Variants in MFSD6 observed in about 807,000 individuals in gnomAD.
The protein encoded by MFSD6 is major facilitator superfamily domain containing 6, also known as major facilitator superfamily domain-containing protein 6.
Under a neutral mutation model 56.3 loss-of-function variants are expected in MFSD6, and 26 were observed. The observed-to-expected ratio is 0.46, with a 90% CI of 0.34 to 0.64. The LOEUF is 0.64. Ranked by LOEUF, MFSD6 falls within the 30% of genes least tolerant of loss-of-function variation. MFSD6 has a pLI of 0.01. For missense variants in MFSD6, 750 were observed against 986.2 expected (o/e 0.76, Z 3.21); for synonymous variants, 331 against 366.9 (o/e 0.90, Z 1.12).
rs371311716 is a variant in MFSD6, at chr2:190,437,095, G to A, written c.1066G>A (p.Asp356Asn). The change falls in exon 3 of 8, where the codon GAT becomes AAT. Residue 356 changes from aspartate to asparagine, a missense_variant. Asp to Asn is a conservative substitution (Grantham distance 23). Transcript: ENST00000392328. This position sits in a 1 kb window ranked among gnomAD's most constrained non-coding sequence, Gnocchi z 5.9. ...CTACACCCACATCGAAGTGCTCATC[G>A]ATGGAAAGGGGTGTAAGCCCCCCGA... ...IDYTHIEVLIDGKGCKPPEYR... is the reference protein window; with the variant it reads ...IDYTHIEVLINGKGCKPPEYR... The A allele has an allele frequency of 1.7e-5, 27 of 1,614,122 alleles. No homozygotes were observed. The highest frequency in any genetic ancestry group is 1.6e-4 in the Middle Eastern group (1 of 6,084).
intron 2 of MFSD6, among the ~76,000 whole-genome samples, chr2:190,429,822 T>C (rs1685905468): frequency 6.6e-6 from 1 of 152,198 alleles, no homozygotes; most frequent in Admixed American, 6.5e-5. Flanking sequence ...CAGATACATA[T>C]ATCTGTGTAT....
chr2:190,414,852 C>T (rs545064460), intron 1 of MFSD6, among the ~76,000 whole-genome samples: 4 of 152,132 alleles, frequency 2.6e-5, no homozygotes, highest in African/African-American at 4.8e-5. Flanking sequence ...TCATTTTTAT[C>T]GAGTCTTTTT....
At chr2:190,411,294 G>T in intron 1 of MFSD6, 1 of 414,574 alleles carries the variant, frequency 2.4e-6, no homozygotes, top group Non-Finnish European at 3.2e-6. Context: ...CGAGTAGCTG[G>T]GATTACAGGC....
intron 4 of MFSD6, among the ~76,000 whole-genome samples, chr2:190,473,922 T>C (rs1000344470): frequency 1.3e-5 from 2 of 152,076 alleles, no homozygotes; most frequent in African/African-American, 4.8e-5. Context: ...CACTCAAAAC[T>C]GCTCAAGTAC....
In MFSD6 at chr2:190,447,099, A is replaced by T. The variant is rs886417279; in HGVS notation, c.1532+9538A>T. Reference sequence around the variant, plus strand: ...GATTCATAGGCTCAGTAAAAAAAAAAACTTGAAAGGATGTCTTGACACACA... The same window carrying T: ...GATTCATAGGCTCAGTAAAAAAAAATACTTGAAAGGATGTCTTGACACACA... On this transcript the variant is annotated intron_variant, in intron 3 of 7. Coordinates refer to ENST00000392328, the MANE Select transcript of MFSD6 (RefSeq NM_017694.4). This position sits in a 1 kb window ranked among gnomAD's most constrained non-coding sequence, Gnocchi z 4.5. Among the ~76,000 whole-genome samples the T allele has an allele frequency of 9.8e-5, 9 of 91,944 alleles. No homozygotes were observed. Among genetic ancestry groups the T allele is most frequent in the African/African-American group, 2.6e-4 (9 of 34,646 alleles). 60.3% of individuals were successfully genotyped at this position (91,944 alleles called of 152,430 possible). A position where few individuals can be genotyped will look rare whatever the true frequency, so the allele number is the denominator to read the frequency against.
Position 190,421,611 on chromosome 2 carries a change from C to A in MFSD6, c.-54+6198C>A, listed in dbSNP as rs186882355. 5.7e-3 allele frequency among the ~76,000 whole-genome samples: 863 copies of A among 152,220 alleles called. 12 individuals are homozygous for A. Among genetic ancestry groups the A allele is most frequent in the African/African-American group, 0.02 (835 of 41,528 alleles). On this transcript the variant is annotated intron_variant, in intron 2 of 7. Transcript: ENST00000392328. ...ACCTATTTATTTATTTGAGACAGTT[C>A]TCACCCTGTCACCCAGGCTGAGTGC... is the stretch of plus-strand genomic sequence containing the variant.
rs779564153 is a variant in MFSD6, at chr2:190,417,998, G to GTGTGTGTGTGTGTGTA, written c.-54+2588_-54+2589insGTGTGTGTGTGTATGT. ...TGTGTGTGTGTGTGTGTGTGTGTGTGTGTATGTGAGAGAGAGAGAGATGTG... is the reference window on the plus strand; with the variant it reads ...TGTGTGTGTGTGTGTGTGTGTGTGTGTGTGTGTGTGTGTGTATGTATGTGAGAGAGAGAGAGATGTG... On this transcript the variant is annotated intron_variant, in intron 2 of 7. Coordinates refer to ENST00000392328, the MANE Select transcript of MFSD6 (RefSeq NM_017694.4). This position sits in a 1 kb window ranked among gnomAD's most constrained non-coding sequence, Gnocchi z 5.7. Among the ~76,000 whole-genome samples the GTGTGTGTGTGTGTGTA allele has an allele frequency of 2.7e-5, 4 of 150,012 alleles. No homozygotes were observed. The highest frequency in any genetic ancestry group is 9.9e-5 in the African/African-American group (4 of 40,586).
intron 4 of MFSD6, among the ~76,000 whole-genome samples, chr2:190,472,746 A>T (rs974852141): frequency 1.1e-4 from 16 of 152,164 alleles, no homozygotes; most frequent in African/African-American, 3.9e-4. Flanking sequence ...AGCCACAAAG[A>T]TACTCCTCGA....
intron 2 of MFSD6, among the ~76,000 whole-genome samples, chr2:190,427,249 T>C (rs1472943077): frequency 6.6e-6 from 1 of 152,224 alleles, no homozygotes; most frequent in Non-Finnish European, 1.5e-5. Context: ...ATGAAAGTCC[T>C]TGCTCCTTTA....
rs896793389 is a variant in MFSD6, at chr2:190,459,585, T to C, written c.1533-10173T>C. 2.8e-4 allele frequency among the ~76,000 whole-genome samples: 43 copies of C among 152,316 alleles called. No homozygotes were observed. Among genetic ancestry groups the C allele is most frequent in the Admixed American group, 3.3e-4 (5 of 15,300 alleles). On this transcript the variant is annotated intron_variant, in intron 3 of 7. Coordinates refer to ENST00000392328, the MANE Select transcript of MFSD6 (RefSeq NM_017694.4). This position sits in a 1 kb window ranked among gnomAD's most constrained non-coding sequence, Gnocchi z 5.3. ...GGGTTCCATTAATCAAGGTTCTCTT[T>C]TGTTTTAAACATCTCTAGTTTTCTA... is the stretch of plus-strand genomic sequence containing the variant.
chr2:190,459,627 A>G lies in MFSD6; in HGVS notation c.1533-10131A>G, dbSNP rs1328905208. On this transcript the variant is annotated intron_variant, in intron 3 of 7. Coordinates refer to ENST00000392328, the MANE Select transcript of MFSD6 (RefSeq NM_017694.4). This position sits in a 1 kb window ranked among gnomAD's most constrained non-coding sequence, Gnocchi z 5.3. Reference sequence around the variant, plus strand: ...AGTTTTCTACCTGGAGATACACACAACTTAAGAAAAAAACAGATAAACTAA... The same window carrying G: ...AGTTTTCTACCTGGAGATACACACAGCTTAAGAAAAAAACAGATAAACTAA... Among the ~76,000 whole-genome samples the G allele has an allele frequency of 1.3e-5, 2 of 152,182 alleles. No individual in the cohort carries two copies. The highest frequency in any genetic ancestry group is 2.9e-5 in the Non-Finnish European group (2 of 68,026).
In MFSD6 at chr2:190,471,369, G is replaced by A. The variant is rs1244227875; in HGVS notation, c.1630+1514G>A. 2.0e-5 allele frequency among the ~76,000 whole-genome samples: 3 copies of A among 152,182 alleles called. No individual in the cohort carries two copies. The highest frequency in any genetic ancestry group is 4.4e-5 in the Non-Finnish European group (3 of 68,030). On this transcript the variant is annotated intron_variant, in intron 4 of 7. Transcript: ENST00000392328. This position sits in a 1 kb window ranked among gnomAD's most constrained non-coding sequence, Gnocchi z 4.7. ...AGGAAAGGGGTGAGAGATGGCACCTGGAAAATTGGGTCACTCCCACCCTAA... is the reference window on the plus strand; with the variant it reads ...AGGAAAGGGGTGAGAGATGGCACCTAGAAAATTGGGTCACTCCCACCCTAA...
In MFSD6 at chr2:190,418,322, GTAATAA is replaced by G. The variant is rs765300148; in HGVS notation, c.-54+2912_-54+2917del. ...CTTAAGTGTTATTGTATTGTAGTTG[GTAATAA>G]TATGATAGTATAATCCACTGATTCC... On this transcript the variant is annotated intron_variant, in intron 2 of 7. Transcript: ENST00000392328. The surrounding 1 kb of genome is among the most constrained non-coding windows in gnomAD (Gnocchi z 4.1). 1.3e-4 allele frequency among the ~76,000 whole-genome samples: 20 copies of G among 152,132 alleles called. No individual in the cohort carries two copies. The highest frequency in any genetic ancestry group is 2.1e-4 in the Non-Finnish European group (14 of 68,012).
rs1689122576 is a variant in MFSD6 at position 190,488,133 on chromosome 2, C to T, written c.1631-524C>T. Among the ~76,000 whole-genome samples the T allele has an allele frequency of 6.6e-6, 1 of 152,216 alleles. No homozygotes were observed. Among genetic ancestry groups the T allele is most frequent in the African/African-American group, 2.4e-5 (1 of 41,462 alleles). Reference sequence around the variant, plus strand: ...GGCCAGGATGGTCTCAATCTCCTGACCTCGTGATCCACCCGCCTCGGCCTC... The same window carrying T: ...GGCCAGGATGGTCTCAATCTCCTGATCTCGTGATCCACCCGCCTCGGCCTC... On this transcript the variant is annotated intron_variant, in intron 4 of 7. Transcript: ENST00000392328. This position sits in a 1 kb window ranked among gnomAD's most constrained non-coding sequence, Gnocchi z 6.4.
At position 190,458,253 on chromosome 2, in the gene MFSD6, A is replaced by C. The variant is rs549979767; in HGVS notation, c.1533-11505A>C. On this transcript the variant is annotated intron_variant, in intron 3 of 7. Coordinates refer to ENST00000392328, the MANE Select transcript of MFSD6 (RefSeq NM_017694.4). The surrounding 1 kb of genome is among the most constrained non-coding windows in gnomAD (Gnocchi z 5.3). ...AGTACCTCAGAGTGTGACCATATTTAAAGTTAGGGTCTTTAAGGATGTCAT... is the reference window on the plus strand; with the variant it reads ...AGTACCTCAGAGTGTGACCATATTTCAAGTTAGGGTCTTTAAGGATGTCAT... Among the ~76,000 whole-genome samples, 1 of 152,270 alleles carries C rather than the reference A, an allele frequency of 6.6e-6. No homozygotes were observed. The highest frequency in any genetic ancestry group is 2.1e-4 in the South Asian group (1 of 4,822).
Position 190,426,953 on chromosome 2 carries a change from C to T in MFSD6, c.-53-9024C>T, listed in dbSNP as rs987613972. Among the ~76,000 whole-genome samples, 1 of 152,216 alleles carries T rather than the reference C, an allele frequency of 6.6e-6. No individual in the cohort carries two copies. Among genetic ancestry groups the T allele is most frequent in the East Asian group, 1.9e-4 (1 of 5,196 alleles). On this transcript the variant is annotated intron_variant, in intron 2 of 7. Coordinates refer to ENST00000392328, the MANE Select transcript of MFSD6 (RefSeq NM_017694.4). This position sits in a 1 kb window ranked among gnomAD's most constrained non-coding sequence, Gnocchi z 4.7. ...GAAGTCCAAGTTCCTCACTCAGCCT[C>T]TTTGGATACCTGAAGGTGAAAGACT...
rs1399161291 is a variant in MFSD6 at position 190,412,186 on chromosome 2, T to C, written c.-175-3106T>C. On this transcript the variant is annotated intron_variant, in intron 1 of 7. Transcript: ENST00000392328. The surrounding 1 kb of genome is among the most constrained non-coding windows in gnomAD (Gnocchi z 4.1). ...CTTAGAATCCTTAAAAATTAATACA[T>C]TTCCAGACTTAGAAATCCAGAGCCA... 3 of 984,866 alleles carry C rather than the reference T, an allele frequency of 3.0e-6. No homozygotes were observed. Among genetic ancestry groups the C allele is most frequent in the Non-Finnish European group, 1.2e-6 (1 of 829,412 alleles). The allele number at this position is 984,866 out of a possible 1,614,324, so 61.0% of individuals were successfully genotyped here.
At chr2:190,448,549 A>T (rs1222699111) in intron 3 of MFSD6, among the ~76,000 whole-genome samples, 1 of 152,232 alleles carries the variant, frequency 6.6e-6, no homozygotes, top group African/African-American at 2.4e-5. Context: ...TGACTGGGGA[A>T]AAAAGCAGGT....
Position 190,433,422 on chromosome 2 carries a change from G to A in MFSD6, c.-53-2555G>A, listed in dbSNP as rs1165402943. 1 of 152,176 alleles carries A rather than the reference G, an allele frequency of 6.6e-6. No individual in the cohort carries two copies. The highest frequency in any genetic ancestry group is 6.5e-5 in the Admixed American group (1 of 15,278). 9.4% of individuals were successfully genotyped at this position (152,176 alleles called of 1,614,324 possible). On this transcript the variant is annotated intron_variant, in intron 2 of 7. Transcript: ENST00000392328. The surrounding 1 kb of genome is among the most constrained non-coding windows in gnomAD (Gnocchi z 4.5). ...AGAACATTAAAGAAAGTCATGTATAGCTAAGCAGCAAAAGATTGGATTTTG... is the reference window on the plus strand; with the variant it reads ...AGAACATTAAAGAAAGTCATGTATAACTAAGCAGCAAAAGATTGGATTTTG...
Sources: gnomAD v4.1 joint callset for allele counts (sites outside exome capture counted in the v4.1 genomes callset) on GRCh38, gnomAD v4.1.1 for gene constraint, Gnocchi (gnomAD v3.1) non-coding constraint, MANE v1.5 for transcripts, NCBI Gene and HGNC (gene_info 2026-07-23, HGNC 2026-07-21) for gene names.